The following EXOC4 variants were observed in gnomAD, a reference collection of about 807,000 sequenced individuals.
EXOC4 encodes the protein exocyst complex component 4, also known as SEC8-like 1.
A neutral mutation model predicts 107.2 loss-of-function variants in EXOC4; 71 were observed. The observed-to-expected ratio is 0.66, with a 90% CI of 0.55 to 0.81. The LOEUF (loss-of-function observed/expected upper bound fraction) is 0.81. Among genes scored for constraint, EXOC4 ranks in the 30% least tolerant of loss-of-function variants. The pLI is 0.00. For missense variants in EXOC4, 1,108 were observed against 1,189.6 expected (o/e 0.93, Z 1.01); for synonymous variants, 456 against 441.2 (o/e 1.03, Z -0.42).
intron 12 of EXOC4, among the ~76,000 whole-genome samples, chr7:133,909,307 TAATC>T (rs758407985): frequency 7.9e-5 from 12 of 152,140 alleles, no homozygotes; most frequent in Non-Finnish European, 1.3e-4. Context: ...AGCTAGATAA[TAATC>T]AAGTGGAAAT....
At chr7:134,092,828 C>T in the EXOC4 span, among the ~76,000 whole-genome samples, 1 of 150,220 alleles carries the variant, frequency 6.7e-6, no homozygotes. Flanking sequence ...GAGGCTGAGG[C>T]AGGAGAATTG....
At position 133,356,342 on chromosome 7, in the gene EXOC4, A is replaced by T. The variant is rs762569848; in HGVS notation, c.776A>T (p.Asn259Ile). Residue 259 changes from asparagine (N) to isoleucine (I), a missense_variant, in exon 6 of 18, where the codon AAT becomes ATT. Coordinates refer to ENST00000253861, the MANE Select transcript of EXOC4 (RefSeq NM_021807.4). ...TAGSSSVREI[N>I]LQDIKEDLEL... Reference sequence around the variant, plus strand: ...TTTAATTTTTCAGTGAGGGAGATAAATCTGCAGGACATCAAGGAAGATTTA... The same window carrying T: ...TTTAATTTTTCAGTGAGGGAGATAATTCTGCAGGACATCAAGGAAGATTTA... 8.1e-5 allele frequency: 130 copies of T among 1,613,828 alleles called. 2 individuals carry two copies. The highest frequency in any genetic ancestry group is 7.7e-4 in the South Asian group (70 of 91,052).
intron 15 of EXOC4, among the ~76,000 whole-genome samples, chr7:134,002,746 A>G (rs1794558705): frequency 6.6e-6 from 1 of 152,170 alleles, no homozygotes; most frequent in Admixed American, 6.6e-5. Context: ...AGGAAAATGC[A>G]AATTAAAACC....
intron 10 of EXOC4, among the ~76,000 whole-genome samples, chr7:133,669,247 G>T (rs1379973044): frequency 6.6e-6 from 1 of 152,084 alleles, no homozygotes; most frequent in East Asian, 1.9e-4. Flanking sequence ...TTACAGTGGT[G>T]AGAGGAGGAG....
intron 9 of EXOC4, among the ~76,000 whole-genome samples, chr7:133,617,463 G>C (rs1030217964): frequency 6.6e-6 from 1 of 152,138 alleles, no homozygotes; most frequent in African/African-American, 2.4e-5. Flanking sequence ...TGAAAGATAG[G>C]ATTCACATAA....
At chr7:133,530,192 C>G (rs1800156359) in intron 9 of EXOC4, among the ~76,000 whole-genome samples, 1 of 152,114 alleles carries the variant, frequency 6.6e-6, no homozygotes, top group East Asian at 1.9e-4. Flanking sequence ...ACATAGTAAC[C>G]TAGAAAAAGA....
At chr7:133,367,166 T>C (rs1647049) in intron 6 of EXOC4, among the ~76,000 whole-genome samples, 150,996 of 152,234 alleles carry the variant, frequency 0.99, 74,892 homozygotes, top group East Asian at 1. Flanking sequence ...GTAATCTGGC[T>C]AAGGGATATG....
intron 17 of EXOC4, among the ~76,000 whole-genome samples, chr7:134,012,559 A>G (rs1794796555): frequency 6.6e-6 from 1 of 152,152 alleles, no homozygotes. Context: ...GGGGGTTCAG[A>G]TAGAGAGGGG....
At chr7:133,372,663 A>AC (rs1796403769) in intron 6 of EXOC4, among the ~76,000 whole-genome samples, 1 of 152,084 alleles carries the variant, frequency 6.6e-6, no homozygotes, top group Admixed American at 6.6e-5. Context: ...AGATAACAGC[A>AC]CCCCTAACAA....
chr7:133,930,076 G>A (rs1379654935), intron 13 of EXOC4, among the ~76,000 whole-genome samples: 2 of 152,162 alleles, frequency 1.3e-5, no homozygotes, highest in Non-Finnish European at 2.9e-5. Context: ...CCTATACTCA[G>A]TAGTGGAAAA....
intron 5 of EXOC4, among the ~76,000 whole-genome samples, chr7:133,330,161 C>G (rs1006058647): frequency 6.6e-6 from 1 of 152,136 alleles, no homozygotes; most frequent in Non-Finnish European, 1.5e-5. Flanking sequence ...CCACAGCGGC[C>G]TTGCTGAGCT....
At position 133,797,532 on chromosome 7, in the gene EXOC4, C is replaced by A. The variant is rs185523187; in HGVS notation, c.1515-19793C>A. 1.2e-4 allele frequency among the ~76,000 whole-genome samples: 18 copies of A among 152,180 alleles called. No homozygotes were observed. In the East Asian group the frequency reaches 2.5e-3, roughly 21 times the overall value. On this transcript the variant is annotated intron_variant, in intron 10 of 17. Transcript: ENST00000253861. ...CAGATTCTAGTTTTATTTCCTGGGA[C>A]CGCTAGAGGTCAGGGAACACAATGC...
intron 10 of EXOC4, among the ~76,000 whole-genome samples, chr7:133,718,472 G>A (rs899282149): frequency 1.3e-5 from 2 of 152,124 alleles, no homozygotes; most frequent in Non-Finnish European, 1.5e-5. Flanking sequence ...GATTTGGGAG[G>A]AAAGTGTTCA....
At chr7:133,971,493 A>G (rs1045121907) in intron 14 of EXOC4, among the ~76,000 whole-genome samples, 5 of 151,050 alleles carry the variant, frequency 3.3e-5, no homozygotes, top group African/African-American at 4.9e-5. Context: ...ATACATAAAT[A>G]TATTTTTTCT....
chr7:134,007,655 C>G (rs760186721), intron 16 of EXOC4, 21 bp from the exon 17 acceptor site: 1 of 1,585,632 alleles, frequency 6.3e-7, no homozygotes, highest in Non-Finnish European at 8.6e-7. Flanking sequence ...TTCTTTGCCC[C>G]GCACTGTGCT....
intron 9 of EXOC4, among the ~76,000 whole-genome samples, chr7:133,553,729 G>A (rs1288912806): frequency 2.6e-5 from 4 of 152,080 alleles, no homozygotes; most frequent in East Asian, 1.9e-4. Flanking sequence ...GATGGCAGCC[G>A]GGGAGAGAAA....
At chr7:133,836,603 A>T (rs7800126) in intron 11 of EXOC4, among the ~76,000 whole-genome samples, 4 of 151,980 alleles carry the variant, frequency 2.6e-5, no homozygotes, top group Admixed American at 6.6e-5. Flanking sequence ...CTCTAAAGGC[A>T]GAACACGTTT....
chr7:134,001,558 G>T (rs1794532102), intron 15 of EXOC4, among the ~76,000 whole-genome samples: 2 of 151,994 alleles, frequency 1.3e-5, no homozygotes, highest in Admixed American at 1.3e-4. Context: ...TAGCTTGAAG[G>T]TCTCATAAGC....
intron 9 of EXOC4, among the ~76,000 whole-genome samples, chr7:133,536,991 A>T (rs1218700903): frequency 6.6e-6 from 1 of 152,178 alleles, no homozygotes; most frequent in Non-Finnish European, 1.5e-5. Context: ...AAGACTCAGA[A>T]ATGTATCCTG....
Sources: allele counts gnomAD v4.1 joint callset (sites outside exome capture counted in the v4.1 genomes callset), GRCh38; gene constraint gnomAD v4.1.1; transcripts MANE v1.5; gene names NCBI Gene and HGNC (gene_info 2026-07-23, HGNC 2026-07-21).